The following TMIGD1 variants were observed in gnomAD, a reference collection of about 807,000 sequenced individuals.
TMIGD1 encodes the protein transmembrane and immunoglobulin domain-containing protein 1.
In TMIGD1, 29 loss-of-function variants were observed where a neutral mutation model predicts 27.5. The observed-to-expected ratio is 1.05, with a 90% CI of 0.78 to 1.44. The LOEUF (loss-of-function observed/expected upper bound fraction) is 1.44, where lower values mean the gene tolerates loss of function less well. TMIGD1 is among the 40% of genes most tolerant of loss of function. The pLI, the probability that TMIGD1 is intolerant of heterozygous loss-of-function variation, is 0.00. For missense variants in TMIGD1, 334 were observed against 310.6 expected (o/e 1.08, Z -0.57); for synonymous variants, 109 against 110.3 (o/e 0.99, Z 0.07).
At chr17:30,325,172 C>A in intron 3 of TMIGD1, 78 bp from the exon 4 acceptor site, 1 of 1,451,076 alleles carries the variant, frequency 6.9e-7, no homozygotes. Context: ...TTCCTTCAAT[C>A]TATCTCATGT....
intron 5 of TMIGD1, among the ~76,000 whole-genome samples, chr17:30,317,868 G>A (rs1406671874): frequency 6.6e-6 from 1 of 151,618 alleles, no homozygotes; most frequent in Non-Finnish European, 1.5e-5. Context: ...TCAGGAGTTC[G>A]AGACCAGCCT....
Sources: gnomAD v4.1 joint callset for allele counts (sites outside exome capture counted in the v4.1 genomes callset) on GRCh38, gnomAD v4.1.1 for gene constraint, MANE v1.5 for transcripts, NCBI Gene and HGNC (gene_info 2026-07-23, HGNC 2026-07-21) for gene names.